EPB41L3: variants seen among roughly 807,000 people sequenced by gnomAD.
The protein encoded by EPB41L3 is erythrocyte membrane protein band 4.1 like 3.
Under a neutral mutation model 127.1 loss-of-function variants are expected in EPB41L3, and 57 were observed. The ratio of observed to expected loss-of-function variants is 0.45; its 90% CI spans 0.36 to 0.56. The LOEUF is 0.56. EPB41L3 is among the 20% of genes least tolerant of loss of function. EPB41L3 has a pLI of 0.00. For missense variants in EPB41L3, 1,273 were observed against 1,372.2 expected, an observed-to-expected ratio of 0.93 and a Z score of 1.14; for synonymous variants, 572 against 549.5, an observed-to-expected ratio of 1.04 and a Z score of -0.57.
chr18:5,536,405 C>T (rs1038617205), intron 1 of EPB41L3, among the ~76,000 whole-genome samples: 12 of 150,272 alleles, frequency 8.0e-5, no homozygotes, highest in African/African-American at 2.9e-4. Context: ...CAATATTGCA[C>T]AAGACCAAAA....
At chr18:5,536,527 T>C (rs1785402) in intron 1 of EPB41L3, among the ~76,000 whole-genome samples, 35,546 of 147,784 alleles carry the variant, frequency 0.24, 4,928 homozygotes, top group African/African-American at 0.4. Flanking sequence ...TTTGGCCTGG[T>C]GCGGTGGCTC....
At chr18:5,475,490 C>T (rs1475436791) in intron 3 of EPB41L3, among the ~76,000 whole-genome samples, 2 of 152,194 alleles carry the variant, frequency 1.3e-5, no homozygotes, top group Admixed American at 6.5e-5. Flanking sequence ...CAGGATGGCT[C>T]GCTGCCTTCT....
intron 8 of EPB41L3, among the ~76,000 whole-genome samples, chr18:5,431,754 GT>G (rs1317821003): frequency 6.6e-6 from 1 of 151,916 alleles, no homozygotes; most frequent in Non-Finnish European, 1.5e-5. Flanking sequence ...TTTCCTTCTT[GT>G]TTCCTTATCT....
upstream of EPB41L3, among the ~76,000 whole-genome samples, chr18:5,629,664 C>A (rs1038462754): frequency 2.6e-5 from 4 of 152,158 alleles, no homozygotes; most frequent in Non-Finnish European, 4.4e-5. Context: ...TCTGGGCTAG[C>A]GGTTCGAGCT....
At chr18:5,439,539 A>C (rs1208935234) in intron 5 of EPB41L3, among the ~76,000 whole-genome samples, 1 of 152,198 alleles carries the variant, frequency 6.6e-6, no homozygotes, top group Non-Finnish European at 1.5e-5. Context: ...CATTGACATC[A>C]CATTTAAGAT....
At chr18:5,606,023 C>A (rs1268186496) in intron 3 of EPB41L3, among the ~76,000 whole-genome samples, 1 of 152,054 alleles carries the variant, frequency 6.6e-6, no homozygotes, top group Non-Finnish European at 1.5e-5. Flanking sequence ...GGGTGACAAG[C>A]AGGGGATGAA....
intron 3 of EPB41L3, among the ~76,000 whole-genome samples, chr18:5,607,595 C>T (rs9303976): frequency 0.18 from 27,693 of 152,074 alleles, 4,719 homozygotes; most frequent in African/African-American, 0.45. Flanking sequence ...ATAAAATTTG[C>T]AGGTACAAGG....
In EPB41L3 at chr18:5,410,572, G is replaced by GGCGGTGGTCTCCCCGTCGGCT. The variant is rs2076072322; in HGVS notation, c.2114_2115insAGCCGACGGGGAGACCACCGC (p.Ala699_Ala705dup). On this transcript the variant is annotated inframe_insertion, in exon 14 of 23. Coordinates refer to ENST00000341928, the MANE Select transcript of EPB41L3 (RefSeq NM_012307.5). ...TCTCAGCCAAAATACCAACCTCAGT[G>GGCGGTGGTCTCCCCGTCGGCT]GCAGTGGTCTCCCCGTCGGCTGCGG... 1.2e-6 allele frequency: 2 copies of GGCGGTGGTCTCCCCGTCGGCT among 1,613,312 alleles called. No homozygotes were observed. The highest frequency in any genetic ancestry group is 1.7e-6 in the Non-Finnish European group (2 of 1,179,486).
chr18:5,550,526 C>A (rs1442536781), intron 3 of EPB41L3, among the ~76,000 whole-genome samples: 1 of 152,076 alleles, frequency 6.6e-6, no homozygotes, highest in Non-Finnish European at 1.5e-5. Flanking sequence ...GAAATATTTT[C>A]TTTCATTAAA....
intron 1 of EPB41L3, among the ~76,000 whole-genome samples, chr18:5,504,281 T>C (rs1246821767): frequency 2.0e-5 from 3 of 147,814 alleles, no homozygotes; most frequent in African/African-American, 7.8e-5. Flanking sequence ...ATCTAACAGA[T>C]TTTTTTTTTA....
intron 14 of EPB41L3, among the ~76,000 whole-genome samples, chr18:5,409,947 A>G (rs1292207088): frequency 2.0e-5 from 3 of 152,138 alleles, no homozygotes; most frequent in Admixed American, 2.0e-4. Context: ...GAGAAATAAC[A>G]GTATATCTTC....
intron 1 of EPB41L3, among the ~76,000 whole-genome samples, chr18:5,512,213 A>C (rs1285908846): frequency 6.6e-6 from 1 of 152,190 alleles, no homozygotes; most frequent in Non-Finnish European, 1.5e-5. Context: ...TAGAGAAAAC[A>C]CACCCAAGTA....
chr18:5,598,151 C>T (rs940699108), intron 3 of EPB41L3, among the ~76,000 whole-genome samples: 4 of 152,172 alleles, frequency 2.6e-5, no homozygotes, highest in African/African-American at 9.7e-5. Context: ...TTATCTGAAA[C>T]AGCAAGGTCA....
At chr18:5,475,834 G>C (rs1291031222) in intron 3 of EPB41L3, among the ~76,000 whole-genome samples, 1 of 152,234 alleles carries the variant, frequency 6.6e-6, no homozygotes, top group East Asian at 1.9e-4. Context: ...AGGCTTTAAA[G>C]CTCTACATTG....
In EPB41L3 at chr18:5,416,292, C is replaced by A. The variant is rs763247088; in HGVS notation, c.1593G>T (p.Arg531Ser). 1 of 1,614,108 alleles carries A rather than the reference C, an allele frequency of 6.2e-7. No individual in the cohort carries two copies. Among genetic ancestry groups the A allele is most frequent in the Non-Finnish European group, 8.5e-7 (1 of 1,180,036 alleles). Reference protein sequence around the residue: ...APTSPTELRRRCKENDCKLPG... With the variant: ...APTSPTELRRSCKENDCKLPG... The stretch of plus-strand genomic sequence containing the variant: ...GCAGTTTGCAGTCATTCTCCTTACA[C>A]CTCCTACGGAGCTCTGTGGGAGATG... Residue 531 changes from arginine to serine, a missense_variant, in exon 13 of 23, where the codon AGG becomes AGT. Physicochemically the swap from Arg to Ser is moderately radical, Grantham distance 110. Around this residue, in one of 3 missense-constraint regions of EPB41L3, gnomAD observed 765 missense variants for 782.9 expected, o/e 0.98. Transcript: ENST00000341928.
At chr18:5,565,567 T>C (rs1252203426) in intron 3 of EPB41L3, among the ~76,000 whole-genome samples, 1 of 151,634 alleles carries the variant, frequency 6.6e-6, no homozygotes, top group African/African-American at 2.4e-5. Flanking sequence ...AACTCGTCAT[T>C]TAACATTAGG....
chr18:5,582,318 C>T (rs2094401144), intron 3 of EPB41L3, among the ~76,000 whole-genome samples: 1 of 151,932 alleles, frequency 6.6e-6, no homozygotes, highest in Admixed American at 6.6e-5. Context: ...AGCAGCTGGG[C>T]CTGCTTCACA....
intron 10 of EPB41L3, 89 bp from the exon 11 acceptor site, chr18:5,423,642 T>A: frequency 8.4e-7 from 1 of 1,196,420 alleles, no homozygotes; most frequent in Non-Finnish European, 1.2e-6. Flanking sequence ...AGGTCATGTG[T>A]TTTGCATGCT....
intron 1 of EPB41L3, among the ~76,000 whole-genome samples, chr18:5,617,502 T>C (rs1399576895): frequency 1.1e-4 from 16 of 152,060 alleles, no homozygotes; most frequent in Admixed American, 1.0e-3. Context: ...GTATTTTTAG[T>C]AGAGACGGGG....
Sources: gnomAD v4.1 joint callset for allele counts (sites outside exome capture counted in the v4.1 genomes callset) on GRCh38, gnomAD v4.1.1 for gene constraint, gnomAD v4.1.1 regional missense constraint, MANE v1.5 for transcripts, NCBI Gene and HGNC (gene_info 2026-07-23, HGNC 2026-07-21) for gene names.